MON2: variants seen among roughly 807,000 people sequenced by gnomAD.
The protein encoded by MON2 is MON2 regulator of endosome-to-Golgi trafficking.
MON2 carries 84 observed loss-of-function variants against 208.6 expected under a neutral mutation model. The observed-to-expected ratio is 0.40, with a 90% CI of 0.34 to 0.48. The LOEUF is 0.48. Ranked by LOEUF, MON2 falls within the 20% of genes least tolerant of loss-of-function variation. The probability of loss-of-function intolerance (pLI) is 0.59; values close to 1 mark genes in which losing one functional copy is unlikely to be tolerated. For synonymous variants in MON2, 660 were observed against 694.0 expected, an observed-to-expected ratio of 0.95 and a Z score of 0.77; for missense variants, 1,611 against 2,015.4, an observed-to-expected ratio of 0.80 and a Z score of 3.84.
At chr12:62,580,457 G>A in intron 32 of MON2, 37 bp downstream of exon 32, 1 of 1,520,706 alleles carries the variant, frequency 6.6e-7, no homozygotes, top group Non-Finnish European at 9.0e-7. Flanking sequence ...AAGTATTGAA[G>A]TACTTTTGAA....
At chr12:62,540,400 G>T (rs2073181723) in intron 19 of MON2, among the ~76,000 whole-genome samples, 1 of 152,102 alleles carries the variant, frequency 6.6e-6, no homozygotes, top group Non-Finnish European at 1.5e-5. Context: ...TTTCTATTAA[G>T]ATGAATTAAG....
intron 2 of MON2, among the ~76,000 whole-genome samples, chr12:62,491,295 G>T (rs577782845): frequency 2.0e-5 from 3 of 152,244 alleles, no homozygotes; most frequent in Non-Finnish European, 2.9e-5. Flanking sequence ...AAGAAATAAG[G>T]TGTTCATTCC....
At chr12:62,569,955 A>T (rs915227657) in intron 29 of MON2, among the ~76,000 whole-genome samples, 1 of 152,002 alleles carries the variant, frequency 6.6e-6, no homozygotes, top group African/African-American at 2.4e-5. Flanking sequence ...AAATATGAAA[A>T]TTTTTCTACT....
At chr12:62,518,897 T>A (rs1258549578) in intron 8 of MON2, among the ~76,000 whole-genome samples, 11 of 152,146 alleles carry the variant, frequency 7.2e-5, no homozygotes, top group Admixed American at 5.9e-4. Context: ...AATTAGGCAT[T>A]CTACAGTTTC....
At position 62,566,344 on chromosome 12, in the gene MON2, A is replaced by G; in HGVS notation, c.4217A>G (p.Tyr1406Cys). 3 of 1,613,158 alleles carry G rather than the reference A, an allele frequency of 1.9e-6. No homozygotes were observed. Among genetic ancestry groups the G allele is most frequent in the Non-Finnish European group, 2.5e-6 (3 of 1,179,632 alleles). ...TAGGCGGAATGGGTAGCCTTGAATTATGTGCCGTTTGCTGAAAGGTCTTTA... is the reference window on the plus strand; with the variant it reads ...TAGGCGGAATGGGTAGCCTTGAATTGTGTGCCGTTTGCTGAAAGGTCTTTA... ...FAPAEWVALN[Y>C]VPFAERSLEV... Residue 1406 changes from tyrosine to cysteine, a missense_variant, in exon 29 of 35, where the codon TAT (tyrosine) becomes TGT (cysteine). By Grantham distance (194) the Tyr-to-Cys change is radical. Coordinates refer to ENST00000393630, the MANE Select transcript of MON2 (RefSeq NM_015026.3).
Position 62,585,179 on chromosome 12 carries a change from G to T in MON2, c.4700-115G>T, listed in dbSNP as rs534149012. On this transcript the variant is annotated intron_variant, in intron 32 of 34. Transcript: ENST00000393630. ...ATGCTATTAGCTATAGGTTGTTCTA[G>T]GTGCCTTTCACCAGATTGAGGAATT... The T allele has an allele frequency of 1.8e-5, 13 of 737,496 alleles. No individual in the cohort carries two copies. In the South Asian group the frequency reaches 2.2e-4, roughly 12 times the overall value. 45.7% of individuals were successfully genotyped at this position (737,496 alleles called of 1,614,324 possible).
chr12:62,583,978 A>AC (rs1041368877), intron 32 of MON2, among the ~76,000 whole-genome samples: 17 of 151,220 alleles, frequency 1.1e-4, no homozygotes, highest in African/African-American at 2.7e-4. Flanking sequence ...AAAAAAACAA[A>AC]AAAAAAAAAC....
At chr12:62,496,205 T>C (rs2070477758) in intron 4 of MON2, among the ~76,000 whole-genome samples, 1 of 152,046 alleles carries the variant, frequency 6.6e-6, no homozygotes, top group African/African-American at 2.4e-5. Context: ...ATAAATATTA[T>C]ATATATTTTT....
At chr12:62,568,144 G>A (rs2074453549) in intron 29 of MON2, among the ~76,000 whole-genome samples, 1 of 152,136 alleles carries the variant, frequency 6.6e-6, no homozygotes, top group Admixed American at 6.5e-5. Flanking sequence ...TTAAAAAGGG[G>A]GAGGCAGGTA....
chr12:62,470,492 T>A (rs2068742536), intron 1 of MON2, among the ~76,000 whole-genome samples: 1 of 152,228 alleles, frequency 6.6e-6, no homozygotes, highest in Non-Finnish European at 1.5e-5. Context: ...CTTCATGTTT[T>A]AGCAGTATAA....
chr12:62,481,253 G>T (rs1356874673), intron 1 of MON2, among the ~76,000 whole-genome samples: 1 of 152,124 alleles, frequency 6.6e-6, no homozygotes, highest in Non-Finnish European at 1.5e-5. Flanking sequence ...TCGGCCAGGC[G>T]TGGTGGCTCA....
At position 62,560,761 on chromosome 12, in the gene MON2, C is replaced by T. The variant is rs2074169797; in HGVS notation, c.3680C>T (p.Pro1227Leu). Residue 1227 changes from proline (P) to leucine (L), a missense_variant, in exon 26 of 35, where the codon CCA (proline) becomes CTA (leucine). Transcript: ENST00000393630. ...EKLGRYSSSE[P>L]PIVTDELEDL... is the part of the protein sequence containing the mutation. ...CTAGGAAGATATAGTAGCTCTGAGC[C>T]ACCCATTGTTACTGATGAGCTTGAA... 1.9e-6 allele frequency: 3 copies of T among 1,614,068 alleles called. No individual in the cohort carries two copies. Among genetic ancestry groups the T allele is most frequent in the Non-Finnish European group, 2.5e-6 (3 of 1,179,986 alleles).
At chr12:62,486,645 C>A (rs542345283) in intron 2 of MON2, among the ~76,000 whole-genome samples, 1 of 152,072 alleles carries the variant, frequency 6.6e-6, no homozygotes, top group Non-Finnish European at 1.5e-5. Flanking sequence ...TTAAATTAGT[C>A]AGTATATAGT....
At chr12:62,523,929 T>C (rs1236468713) in intron 8 of MON2, among the ~76,000 whole-genome samples, 1 of 152,166 alleles carries the variant, frequency 6.6e-6, no homozygotes, top group Non-Finnish European at 1.5e-5. Context: ...TATTTATTTA[T>C]AAAGAGCTTG....
chr12:62,529,125 C>T (rs937574447), intron 11 of MON2, among the ~76,000 whole-genome samples: 1 of 152,072 alleles, frequency 6.6e-6, no homozygotes, highest in Non-Finnish European at 1.5e-5. Context: ...TCTGTTCCGG[C>T]GTTAGTTTGC....
chr12:62,587,961 T>G (rs1170111074), intron 33 of MON2, 113 bp from the exon 34 acceptor site: 5 of 653,772 alleles, frequency 7.6e-6, no homozygotes, highest in Non-Finnish European at 1.4e-5. Flanking sequence ...TTGCATTGTA[T>G]TGTGTTCAGT....
Position 62,566,041 on chromosome 12 carries a change from A to G in MON2, c.4194+10A>G, listed in dbSNP as rs1231120178. 1 of 1,609,484 alleles carries G rather than the reference A, an allele frequency of 6.2e-7. No individual in the cohort carries two copies. Among genetic ancestry groups the G allele is most frequent in the Non-Finnish European group, 8.5e-7 (1 of 1,176,816 alleles). On this transcript the variant is annotated intron_variant, in intron 28 of 34. Coordinates refer to ENST00000393630, the MANE Select transcript of MON2 (RefSeq NM_015026.3). ...CCAACTATTTGCACCGGTGAGTTAA[A>G]TTTCCTAAAATTGTCCTAACCTCTT...
At chr12:62,572,803 C>G (rs1332363038) in intron 30 of MON2, among the ~76,000 whole-genome samples, 2 of 152,114 alleles carry the variant, frequency 1.3e-5, no homozygotes, top group East Asian at 3.9e-4. Context: ...TAGAATGATA[C>G]CGTGTACTGC....
chr12:62,534,545 A>ATATATATATATATTT (rs2072852968), intron 12 of MON2, among the ~76,000 whole-genome samples: 3 of 28,080 alleles, frequency 1.1e-4, no homozygotes, highest in African/African-American at 3.0e-4. Flanking sequence ...AAAAAAAAAT[A>ATATATATATATATTT]TATATATATA....
Sources: gnomAD v4.1 joint callset for allele counts (sites outside exome capture counted in the v4.1 genomes callset) on GRCh38, gnomAD v4.1.1 for gene constraint, MANE v1.5 for transcripts, NCBI Gene and HGNC (gene_info 2026-07-23, HGNC 2026-07-21) for gene names.